The following NUMA1 variants were observed in gnomAD, a reference collection of about 807,000 sequenced individuals.
The protein encoded by NUMA1 is SP-H antigen.
Under a neutral mutation model 237.1 loss-of-function variants are expected in NUMA1, and 62 were observed. That is an observed-to-expected ratio of 0.26 (90% CI 0.21 to 0.32). The LOEUF (loss-of-function observed/expected upper bound fraction) is 0.32. NUMA1 is among the 10% of genes least tolerant of loss of function. The probability of loss-of-function intolerance (pLI) is 1.00; values close to 1 mark genes in which losing one functional copy is unlikely to be tolerated. For synonymous variants in NUMA1, 1,028 were observed against 1,066.1 expected, an observed-to-expected ratio of 0.96 and a Z score of 0.70; for missense variants, 2,533 against 2,666.5, an observed-to-expected ratio of 0.95 and a Z score of 1.10.
intron 2 of NUMA1, among the ~76,000 whole-genome samples, chr11:72,061,485 C>CTTTTTTTTTTT (rs767581846): frequency 8.5e-6 from 1 of 117,318 alleles, no homozygotes. Context: ...TGTTTCTTTT[C>CTTTTTTTTTTT]TTTTTTTTTT....
chr11:72,016,414 G>C lies in NUMA1; in HGVS notation c.1236C>G (p.Val412=). ...PQEKGEVLGD[V]LQLETLKQEA... is the part of the protein sequence containing the mutation. ...TCTTTCTGTGCATTCCTACCTGCAA[G>C]ACATCACCCAGCACCTCGCCCTTCT... The change falls in exon 14 of 27, where the codon GTC becomes GTG. Residue 412 remains valine (V), a synonymous_variant. Transcript: ENST00000393695. 1 of 1,613,968 alleles carries C rather than the reference G, an allele frequency of 6.2e-7. No homozygotes were observed. The highest frequency in any genetic ancestry group is 1.3e-5 in the African/African-American group (1 of 75,036).
At chr11:72,050,847 C>T (rs573193477) in intron 2 of NUMA1, 20 of 150,172 alleles carry the variant, frequency 1.3e-4, no homozygotes, top group African/African-American at 3.9e-4. Flanking sequence ...ATGAAAAGGA[C>T]AATGCAGATG....
intron 2 of NUMA1, chr11:72,049,583 A>ATATATATACT (rs71052844): frequency 4.4e-5 from 1 of 22,556 alleles, no homozygotes; most frequent in African/African-American, 1.0e-4. Flanking sequence ...ATATATATAT[A>ATATATATACT]GTGTGTGTGT....
At chr11:72,075,340 G>A (rs1213316303) in intron 1 of NUMA1, among the ~76,000 whole-genome samples, 1 of 152,158 alleles carries the variant, frequency 6.6e-6, no homozygotes, top group Non-Finnish European at 1.5e-5. Flanking sequence ...GGCTACAAGG[G>A]ACTTCCTCCT....
At chr11:72,034,166 C>A (rs751428714) in intron 3 of NUMA1, among the ~76,000 whole-genome samples, 5 of 152,094 alleles carry the variant, frequency 3.3e-5, no homozygotes, top group Non-Finnish European at 7.3e-5. Flanking sequence ...CCTGATTAAT[C>A]AGTACTCAGG....
In NUMA1 at chr11:72,021,213, G is replaced by C; in HGVS notation, c.451C>G (p.Leu151Val). The change falls in exon 8 of 27, where the codon CTA becomes GTA. Residue 151 changes from leucine (L) to valine (V), a missense_variant. By Grantham distance (32) the Leu-to-Val change is conservative. Transcript: ENST00000393695. Reference protein sequence around the residue: ...LNLNEDLENFLQKAPVPSTCS... With the variant: ...LNLNEDLENFVQKAPVPSTCS... Reference sequence around the variant, plus strand: ...GTGTGTACCTACTTACCTTTCTGTAGGAAGTTCTCTAGGTCCTCATTAAGG... The same window carrying C: ...GTGTGTACCTACTTACCTTTCTGTACGAAGTTCTCTAGGTCCTCATTAAGG... 1 of 1,613,834 alleles carries C rather than the reference G, an allele frequency of 6.2e-7. No homozygotes were observed. The highest frequency in any genetic ancestry group is 2.2e-5 in the East Asian group (1 of 44,886).
chr11:72,017,938 C>T (rs1938112014), intron 12 of NUMA1, 111 bp from the exon 13 acceptor site: 1 of 1,291,668 alleles, frequency 7.7e-7, no homozygotes, highest in African/African-American at 1.5e-5. Flanking sequence ...CCTGCCAACC[C>T]TCTACAAACC....
intron 3 of NUMA1, 23 bp from the exon 4 acceptor site, chr11:72,029,313 T>C (rs762301706): frequency 1.4e-5 from 21 of 1,523,190 alleles, no homozygotes; most frequent in Admixed American, 1.1e-4. Context: ...GGGAACAGCC[T>C]AGTGAGACCG....
chr11:72,067,952 C>T (rs1943272579), intron 2 of NUMA1: 1 of 152,182 alleles, frequency 6.6e-6, no homozygotes, highest in South Asian at 2.1e-4. Context: ...AGATAACAGC[C>T]CCTAGGCTTG....
chr11:72,018,243 C>A lies in NUMA1; in HGVS notation c.918G>T (p.Lys306Asn). 1 of 1,614,232 alleles carries A rather than the reference C, an allele frequency of 6.2e-7. No individual in the cohort carries two copies. The highest frequency in any genetic ancestry group is 8.5e-7 in the Non-Finnish European group (1 of 1,180,040). The change falls in exon 12 of 27, where the codon AAG becomes AAT. Residue 306 changes from lysine (K) to asparagine (N), a missense_variant. Transcript: ENST00000393695. The stretch of plus-strand genomic sequence containing the variant: ...GGTTGATTTTGCGATCCATCTGGCT[C>A]TTCTCTGTCTTCAGGTCCTGGCACT... Reference protein sequence around the residue: ...LKQCQDLKTEKSQMDRKINQL... With the variant: ...LKQCQDLKTENSQMDRKINQL...
intron 1 of NUMA1, among the ~76,000 whole-genome samples, chr11:72,076,130 T>C (rs1565301607): frequency 1.3e-5 from 2 of 152,154 alleles, no homozygotes; most frequent in African/African-American, 2.4e-5. Flanking sequence ...TCCCAGCACA[T>C]TGGGAGGCTG....
chr11:72,009,729 CT>C (rs5792569), intron 17 of NUMA1, among the ~76,000 whole-genome samples: 141,028 of 152,134 alleles, frequency 0.93, 65,614 homozygotes, highest in Non-Finnish European at 0.98. Flanking sequence ...GGTGCAGAGC[CT>C]TACTCTAAGG....
At position 72,014,101 on chromosome 11, in the gene NUMA1, C is replaced by T. The variant is rs1956334287; in HGVS notation, c.3402G>A (p.Gln1134=). The T allele has an allele frequency of 6.2e-7, 1 of 1,611,390 alleles. No homozygotes were observed. The highest frequency in any genetic ancestry group is 8.5e-7 in the Non-Finnish European group (1 of 1,180,040). The change falls in exon 15 of 27, where the codon CAG becomes CAA. Residue 1134 remains glutamine, a synonymous_variant. Transcript: ENST00000393695. The surrounding 1 kb of genome is among the most constrained non-coding windows in gnomAD (Gnocchi z 4.6). ...ALRAEVSKLE[Q]QCQKQQEQAD... Reference sequence around the variant, plus strand: ...CCTGCTCCTGCTGCTTCTGGCATTGCTGTTCCAGCTTGCTCACCTCTGCCC... The same window carrying T: ...CCTGCTCCTGCTGCTTCTGGCATTGTTGTTCCAGCTTGCTCACCTCTGCCC...
At chr11:72,041,446 C>G (rs1452170284) in intron 2 of NUMA1, 3 of 152,352 alleles carry the variant, frequency 2.0e-5, no homozygotes, top group Non-Finnish European at 4.4e-5. Flanking sequence ...GCCTGACAAA[C>G]TGGGATCAAC....
intron 26 of NUMA1, 144 bp downstream of exon 26, chr11:72,003,743 G>A: frequency 2.0e-6 from 2 of 1,005,662 alleles, no homozygotes; most frequent in Non-Finnish European, 3.0e-6. Flanking sequence ...CCTTGGAGAG[G>A]AGCTACCAGG....
At chr11:72,027,883 T>G (rs1332937702) in intron 4 of NUMA1, among the ~76,000 whole-genome samples, 1 of 152,102 alleles carries the variant, frequency 6.6e-6, no homozygotes, top group East Asian at 1.9e-4. Flanking sequence ...TGATGACCAA[T>G]TAGAGATCAG....
At chr11:72,008,302 T>C in intron 20 of NUMA1, 1 of 376,380 alleles carries the variant, frequency 2.7e-6, no homozygotes, top group Non-Finnish European at 5.1e-6. Flanking sequence ...CTCCTAAACC[T>C]TTCAATTACA....
intron 2 of NUMA1, among the ~76,000 whole-genome samples, chr11:72,058,189 A>T (rs1325824129): frequency 2.6e-5 from 4 of 152,238 alleles, no homozygotes; most frequent in Admixed American, 6.5e-5. Flanking sequence ...ACAAAGTTAG[A>T]TAAAAGACAA....
chr11:72,015,533 G>A lies in NUMA1; in HGVS notation c.1970C>T (p.Ala657Val), dbSNP rs774770988. ...ELSRKVEELQACVETARQEQH... is the reference protein window; with the variant it reads ...ELSRKVEELQVCVETARQEQH... ...TTCCTGGCGGGCTGTCTCAACACAG[G>A]CCTGGAGTTCCTCCACCTTCCGGCT... is the stretch of plus-strand genomic sequence containing the variant. The change falls in exon 15 of 27, where the codon GCC (alanine) becomes GTC (valine). Residue 657 changes from alanine (A) to valine (V), a missense_variant. Around this residue, in one of 3 missense-constraint regions of NUMA1, gnomAD observed 1,414 missense variants for 1,508.1 expected, o/e 0.94. Transcript: ENST00000393695. The surrounding 1 kb of genome is among the most constrained non-coding windows in gnomAD (Gnocchi z 4.0). The A allele has an allele frequency of 3.1e-6, 5 of 1,613,338 alleles. No individual in the cohort carries two copies. The highest frequency in any genetic ancestry group is 4.2e-6 in the Non-Finnish European group (5 of 1,180,034).
Sources: allele counts gnomAD v4.1 joint callset (sites outside exome capture counted in the v4.1 genomes callset), GRCh38; gene constraint gnomAD v4.1.1; regional missense constraint gnomAD v4.1.1; non-coding constraint Gnocchi (gnomAD v3.1); transcripts MANE v1.5; gene names NCBI Gene and HGNC (gene_info 2026-07-23, HGNC 2026-07-21).